Variants in PDE3A observed in about 807,000 individuals in gnomAD.
The protein encoded by PDE3A is cGMP-inhibited 3',5'-cyclic phosphodiesterase 3A.
PDE3A carries 43 observed loss-of-function variants against 98.3 expected under a neutral mutation model. The ratio of observed to expected loss-of-function variants is 0.44; its 90% confidence interval spans 0.34 to 0.56. PDE3A has a LOEUF of 0.56. PDE3A is among the 20% of genes least tolerant of loss of function. The probability of loss-of-function intolerance (pLI) is 0.01; values close to 1 mark genes in which losing one functional copy is unlikely to be tolerated. For missense variants in PDE3A, 1,427 were observed against 1,440.7 expected, an observed-to-expected ratio of 0.99 and a Z score of 0.15; for synonymous variants, 663 against 567.9, an observed-to-expected ratio of 1.17 and a Z score of -2.38.
chr12:20,656,441 T>C (rs1945046398), intron 15 of PDE3A, among the ~76,000 whole-genome samples: 1 of 152,210 alleles, frequency 6.6e-6, no homozygotes, highest in Non-Finnish European at 1.5e-5. Context: ...TAATTACTTT[T>C]TGTAGAATGG....
chr12:20,393,173 T>A (rs1468833707), intron 1 of PDE3A, among the ~76,000 whole-genome samples: 1 of 151,982 alleles, frequency 6.6e-6, no homozygotes, highest in Admixed American at 6.6e-5. Context: ...TATAAAGACA[T>A]ACCTGAAACT....
At chr12:20,659,012 T>G (rs1241129311) in intron 15 of PDE3A, among the ~76,000 whole-genome samples, 1 of 152,102 alleles carries the variant, frequency 6.6e-6, no homozygotes, top group Non-Finnish European at 1.5e-5. Flanking sequence ...TATTTCAGTT[T>G]TTGTCTTCTT....
chr12:20,551,754 G>A lies in PDE3A; in HGVS notation c.961-4906G>A, dbSNP rs916300452. The A allele has an allele frequency of 2.5e-6, 4 of 1,612,026 alleles. No homozygotes were observed. In the East Asian group the frequency reaches 6.7e-5, roughly 27 times the overall value. On this transcript the variant is annotated intron_variant, in intron 1 of 15. Transcript: ENST00000359062. Reference sequence around the variant, plus strand: ...CCAGCGAGGTGGTACTGGCGGGAGAGCGGCTGAGAGAGAGCAAGAAGAAGG... The same window carrying A: ...CCAGCGAGGTGGTACTGGCGGGAGAACGGCTGAGAGAGAGCAAGAAGAAGG...
At chr12:20,408,331 T>C (rs1944271603) in intron 1 of PDE3A, among the ~76,000 whole-genome samples, 1 of 152,210 alleles carries the variant, frequency 6.6e-6, no homozygotes, top group Non-Finnish European at 1.5e-5. Context: ...GTGTTATTAG[T>C]CTTCCTACAT....
intron 2 of PDE3A, among the ~76,000 whole-genome samples, chr12:20,597,893 A>G (rs1316419010): frequency 6.6e-6 from 1 of 152,114 alleles, no homozygotes; most frequent in African/African-American, 2.4e-5. Flanking sequence ...TTTTTTCAGT[A>G]CCTCTGTATT....
At position 20,383,635 on chromosome 12, in the gene PDE3A, C is replaced by T. The variant is rs78117746; in HGVS notation, c.960+13391C>T. The stretch of plus-strand genomic sequence containing the variant: ...TTTGGCCCTAGGAGCAGCAGGAGTC[C>T]TGTGGAGTCTCAGTCTACTCCTATT... On this transcript the variant is annotated intron_variant, in intron 1 of 15. Transcript: ENST00000359062. Among the ~76,000 whole-genome samples, 13 of 152,058 alleles carry T rather than the reference C, an allele frequency of 8.5e-5. No individual in the cohort carries two copies. The East Asian group carries it at 2.5e-3, about 30-fold the overall frequency.
chr12:20,534,275 T>C (rs1362898356), intron 1 of PDE3A, among the ~76,000 whole-genome samples: 1 of 152,212 alleles, frequency 6.6e-6, no homozygotes, highest in Non-Finnish European at 1.5e-5. Context: ...TGGCAGGTTG[T>C]AGGTACCCAG....
intron 1 of PDE3A, among the ~76,000 whole-genome samples, chr12:20,544,825 A>T (rs570905384): frequency 1.1e-4 from 17 of 152,078 alleles, no homozygotes; most frequent in African/African-American, 3.9e-4. Context: ...TGTAAAAAAT[A>T]TATCTCAAAA....
At chr12:20,644,731 A>G (rs1238864072) in intron 10 of PDE3A, among the ~76,000 whole-genome samples, 1 of 152,036 alleles carries the variant, frequency 6.6e-6, no homozygotes, top group Non-Finnish European at 1.5e-5. Context: ...TTCAAGTACC[A>G]TATAATATTA....
chr12:20,441,014 C>A (rs879164889), intron 1 of PDE3A, among the ~76,000 whole-genome samples: 1 of 152,034 alleles, frequency 6.6e-6, no homozygotes, highest in Non-Finnish European at 1.5e-5. Flanking sequence ...AAATTGTATG[C>A]CAGGATTGGA....
intron 1 of PDE3A, among the ~76,000 whole-genome samples, chr12:20,499,177 T>G (rs6487098): frequency 0.97 from 147,931 of 152,266 alleles, 71,881 homozygotes; most frequent in East Asian, 1. Flanking sequence ...ATGGTAGATT[T>G]AAGACCATAC....
chr12:20,446,958 G>A (rs1591941629), intron 1 of PDE3A, among the ~76,000 whole-genome samples: 1 of 152,172 alleles, frequency 6.6e-6, no homozygotes, highest in Non-Finnish European at 1.5e-5. Flanking sequence ...CATCAGTGGA[G>A]CAAGGGCAAG....
At chr12:20,390,018 G>A (rs1943884204) in intron 1 of PDE3A, among the ~76,000 whole-genome samples, 1 of 152,014 alleles carries the variant, frequency 6.6e-6, no homozygotes, top group African/African-American at 2.4e-5. Flanking sequence ...CAGAGGATAT[G>A]AGGTAGGGAA....
intron 1 of PDE3A, among the ~76,000 whole-genome samples, chr12:20,532,844 A>G (rs1941643910): frequency 6.6e-6 from 1 of 151,786 alleles, no homozygotes; most frequent in Non-Finnish European, 1.5e-5. Context: ...GCCCGCCACT[A>G]CGCCCGGCTA....
At chr12:20,516,033 A>AT (rs200516348) in intron 1 of PDE3A, among the ~76,000 whole-genome samples, 8,253 of 138,300 alleles carry the variant, frequency 0.06, 689 homozygotes, top group African/African-American at 0.19. Flanking sequence ...CGCCCGGCCT[A>AT]TTTTTTTTTT....
chr12:20,612,078 T>A (rs1943870997), intron 2 of PDE3A, among the ~76,000 whole-genome samples: 1 of 151,968 alleles, frequency 6.6e-6, no homozygotes, highest in African/African-American at 2.4e-5. Context: ...ATTGATAGGC[T>A]TAGCAAAGTT....
chr12:20,383,226 C>G (rs1293339140), intron 1 of PDE3A, among the ~76,000 whole-genome samples: 3 of 151,832 alleles, frequency 2.0e-5, no homozygotes, highest in Non-Finnish European at 2.9e-5. Flanking sequence ...TTAAATTTGA[C>G]TTGTACTCTA....
chr12:20,665,203 A>G (rs772619234), intron 15 of PDE3A, among the ~76,000 whole-genome samples: 18 of 152,326 alleles, frequency 1.2e-4, no homozygotes, highest in Middle Eastern at 3.4e-3. Context: ...GCTGGCAAGC[A>G]TCATATTTAT....
intron 1 of PDE3A, among the ~76,000 whole-genome samples, chr12:20,554,367 A>AT (rs1942307878): frequency 3.7e-4 from 2 of 5,474 alleles, no homozygotes; most frequent in African/African-American, 3.9e-4. Flanking sequence ...GATAAAAAAA[A>AT]AAAAATAAAA....
Sources: allele counts gnomAD v4.1 joint callset (sites outside exome capture counted in the v4.1 genomes callset), GRCh38; gene constraint gnomAD v4.1.1; transcripts MANE v1.5; gene names NCBI Gene and HGNC (gene_info 2026-07-23, HGNC 2026-07-21).